SCN9A: variants seen among roughly 807,000 people sequenced by gnomAD.
SCN9A encodes sodium voltage-gated channel alpha subunit 9.
In SCN9A, 131 loss-of-function variants were observed where a neutral mutation model predicts 187.0. The observed-to-expected ratio is 0.70, with a 90% CI of 0.61 to 0.81. The LOEUF (loss-of-function observed/expected upper bound fraction) is 0.81. Ranked by LOEUF, SCN9A falls within the 30% of genes least tolerant of loss-of-function variation. The pLI is 0.00. For synonymous variants in SCN9A, 809 were observed against 808.6 expected (o/e 1.00, Z -0.01); for missense variants, 2,252 against 2,396.6 (o/e 0.94, Z 1.26).
intron 24 of SCN9A, among the ~76,000 whole-genome samples, chr2:166,211,570 A>G (rs1250414041): frequency 6.6e-6 from 1 of 151,960 alleles, no homozygotes. Flanking sequence ...AAAATAATTA[A>G]GAATAACTAA....
At chr2:166,218,983 C>T (rs1204857428) in intron 24 of SCN9A, among the ~76,000 whole-genome samples, 4 of 152,070 alleles carry the variant, frequency 2.6e-5, no homozygotes, top group African/African-American at 9.7e-5. Context: ...TGTCACTGAC[C>T]ATTAGAGAAA....
At chr2:166,344,439 T>C (rs1358291550) in intron 1 of SCN9A, among the ~76,000 whole-genome samples, 1 of 152,136 alleles carries the variant, frequency 6.6e-6, no homozygotes, top group African/African-American at 2.4e-5. Flanking sequence ...TGAAACAGCA[T>C]CTTACGAAAC....
intron 18 of SCN9A, among the ~76,000 whole-genome samples, chr2:166,247,135 C>A: frequency 1.0e-5 from 1 of 100,076 alleles, no homozygotes; most frequent in Non-Finnish European, 1.8e-5. Flanking sequence ...TGCTGAGTTT[C>A]ATCATGTTAA....
chr2:166,271,758 G>T (rs1287350757), intron 17 of SCN9A, among the ~76,000 whole-genome samples: 3 of 151,838 alleles, frequency 2.0e-5, no homozygotes, highest in African/African-American at 4.8e-5. Flanking sequence ...CTCAGGAGGT[G>T]GAGGCAGGAG....
In SCN9A at chr2:166,305,829, G is replaced by A. The variant is rs774694132; in HGVS notation, c.559C>T (p.Pro187Ser). Residue 187 changes from proline (P) to serine (S), a missense_variant, in exon 5 of 27, where the codon CCG (proline) becomes TCG (serine). This residue lies in a region of SCN9A where 1,013 missense variants were observed against 997.4 expected (regional missense o/e 1.02). Transcript: ENST00000642356. ...ACGACAAAATCCAGCCAGTTCCACG[G>A]GTCACGAAGAAAAGTGAATTCTCCT... ...CVGEFTFLRD[P>S]WNWLDFVVIV... The A allele has an allele frequency of 1.9e-6, 3 of 1,613,158 alleles. No homozygotes were observed.
chr2:166,337,708 G>C (rs1416810898), intron 1 of SCN9A, among the ~76,000 whole-genome samples: 4 of 152,078 alleles, frequency 2.6e-5, no homozygotes, highest in Non-Finnish European at 4.4e-5. Context: ...AGGCTGAAAA[G>C]TGCAAGCCAG....
chr2:166,255,399 C>T lies in SCN9A; in HGVS notation c.3352-3514G>A, dbSNP rs561295677. Reference sequence around the variant, plus strand: ...ATTAGAACATGTCCTAAGTTGTTCACTTACAAATTTATCACTGGCATTTCC... The same window carrying T: ...ATTAGAACATGTCCTAAGTTGTTCATTTACAAATTTATCACTGGCATTTCC... On this transcript the variant is annotated intron_variant, in intron 17 of 26. Transcript: ENST00000642356. 2.0e-5 allele frequency among the ~76,000 whole-genome samples: 3 copies of T among 151,576 alleles called. No individual in the cohort carries two copies. In the South Asian group the frequency reaches 6.2e-4, roughly 31 times the overall value.
intron 24 of SCN9A, among the ~76,000 whole-genome samples, chr2:166,224,148 C>T (rs1342395760): frequency 6.6e-6 from 1 of 152,102 alleles, no homozygotes; most frequent in African/African-American, 2.4e-5. Context: ...TATTTATGCT[C>T]ATACTGCTCT....
At chr2:166,296,272 G>T (rs1244476919) in intron 7 of SCN9A, 3 of 152,174 alleles carry the variant, frequency 2.0e-5, no homozygotes. Flanking sequence ...CACACATTCT[G>T]TACTAGCTGC....
chr2:166,231,582 T>G (rs1695087222), intron 21 of SCN9A, among the ~76,000 whole-genome samples: 1 of 146,164 alleles, frequency 6.8e-6, no homozygotes, highest in African/African-American at 2.6e-5. Flanking sequence ...TACAGAGTCT[T>G]GCTCTGTTCC....
Position 166,272,704 on chromosome 2 carries a change from T to C in SCN9A, c.3046A>G (p.Lys1016Glu). Reference sequence around the variant, plus strand: ...ATCTCCCTGGAAATCTTTGGCTTTTTGGAAAATGCTTTTAGAATAAATTCA... The same window carrying C: ...ATCTCCCTGGAAATCTTTGGCTTTTCGGAAAATGCTTTTAGAATAAATTCA... Reference protein sequence around the residue: ...LREFILKAFSKKPKISREIRQ... With the variant: ...LREFILKAFSEKPKISREIRQ... Residue 1016 changes from lysine to glutamate, a missense_variant, in exon 17 of 27, where the codon AAA becomes GAA. By Grantham distance (56) the Lys-to-Glu change is moderately conservative (BLOSUM62 1). Transcript: ENST00000642356. The C allele has an allele frequency of 1.9e-6, 3 of 1,597,044 alleles. No individual in the cohort carries two copies. Among genetic ancestry groups the C allele is most frequent in the Non-Finnish European group, 2.6e-6 (3 of 1,172,244 alleles).
At chr2:166,256,425 G>A (rs1553484323) in intron 17 of SCN9A, among the ~76,000 whole-genome samples, 2 of 150,680 alleles carry the variant, frequency 1.3e-5, no homozygotes, top group Non-Finnish European at 3.0e-5. Flanking sequence ...GGAATTTCAG[G>A]AAAAAAATGG....
rs7563806 is a variant in SCN9A, at chr2:166,237,611, T to C, written c.3801+483A>G. 3.9e-3 allele frequency among the ~76,000 whole-genome samples: 596 copies of C among 152,182 alleles called. 5 individuals carry two copies. Among genetic ancestry groups the C allele is most frequent in the African/African-American group, 0.014 (571 of 41,504 alleles). On this transcript the variant is annotated intron_variant, in intron 20 of 26. Coordinates refer to ENST00000642356, the MANE Select transcript of SCN9A (RefSeq NM_001365536.1). ...CTCCCCAAATACAAAGTTAACTTTG[T>C]ATTTGTATAATGATTTTTAGAAAAA... is the stretch of plus-strand genomic sequence containing the variant.
intron 1 of SCN9A, among the ~76,000 whole-genome samples, chr2:166,359,946 G>C (rs1357234798): frequency 2.0e-5 from 3 of 151,470 alleles, no homozygotes; most frequent in Non-Finnish European, 4.4e-5. Context: ...AGTTTGCCGG[G>C]CGTGGTGGCT....
intron 24 of SCN9A, among the ~76,000 whole-genome samples, chr2:166,206,097 A>G (rs1206925555): frequency 6.6e-6 from 1 of 152,194 alleles, no homozygotes; most frequent in Non-Finnish European, 1.5e-5. Context: ...ATTGTGGAAG[A>G]CAGTGTGATG....
intron 1 of SCN9A, among the ~76,000 whole-genome samples, chr2:166,371,444 G>A (rs1700561032): frequency 6.6e-6 from 1 of 152,104 alleles, no homozygotes; most frequent in Admixed American, 6.5e-5. Context: ...GCTGCCAAGA[G>A]CTGATGGCTT....
rs375571381 is a variant in SCN9A, at chr2:166,233,465, A to G, written c.3802-3T>C. On this transcript the variant is annotated splice_region_variant and splice_polypyrimidine_tract_variant and intron_variant, in intron 20 of 26. Coordinates refer to ENST00000642356, the MANE Select transcript of SCN9A (RefSeq NM_001365536.1). ...GCCACTAAAGTAACCAAAGAAACCT[A>G]TAAAAATAACATTTTCATTAATTGT... 7.7e-6 allele frequency: 12 copies of G among 1,562,158 alleles called. No homozygotes were observed. Among genetic ancestry groups the G allele is most frequent in the Middle Eastern group, 1.7e-4 (1 of 5,952 alleles).
intron 24 of SCN9A, among the ~76,000 whole-genome samples, chr2:166,212,245 G>A (rs1358083870): frequency 1.3e-5 from 2 of 152,078 alleles, no homozygotes; most frequent in Admixed American, 1.3e-4. Flanking sequence ...TTGACCCTCT[G>A]TATCTGTGGA....
chr2:166,244,723 C>G (rs1041380952), intron 18 of SCN9A, among the ~76,000 whole-genome samples: 1 of 151,972 alleles, frequency 6.6e-6, no homozygotes, highest in African/African-American at 2.4e-5. Flanking sequence ...CTGGCCTATT[C>G]TATCTGGATG....
Sources: allele counts gnomAD v4.1 joint callset (sites outside exome capture counted in the v4.1 genomes callset), GRCh38; gene constraint gnomAD v4.1.1; regional missense constraint gnomAD v4.1.1; transcripts MANE v1.5; gene names NCBI Gene and HGNC (gene_info 2026-07-23, HGNC 2026-07-21).